Variants in GPC6 observed in about 807,000 individuals in gnomAD.
GPC6 encodes glypican-6.
GPC6 carries 14 observed loss-of-function variants against 55.2 expected under a neutral mutation model. The ratio of observed to expected loss-of-function variants is 0.25; its 90% CI spans 0.17 to 0.40. The LOEUF (loss-of-function observed/expected upper bound fraction) is 0.40, where lower values mean the gene tolerates loss of function less well. GPC6 is among the 10% of genes least tolerant of loss of function. The pLI is 1.00. For synonymous variants in GPC6, 278 were observed against 259.6 expected (o/e 1.07, Z -0.68); for missense variants, 641 against 708.5 (o/e 0.90, Z 1.08).
At chr13:93,689,051 C>A (rs1882157491) in intron 2 of GPC6, among the ~76,000 whole-genome samples, 1 of 151,962 alleles carries the variant, frequency 6.6e-6, no homozygotes, top group African/African-American at 2.4e-5. Flanking sequence ...ATACTATAAG[C>A]TGCTATTTTA....
At chr13:93,807,084 G>T (rs1007191564) in intron 2 of GPC6, among the ~76,000 whole-genome samples, 71 of 152,092 alleles carry the variant, frequency 4.7e-4, no homozygotes, top group African/African-American at 1.6e-3. Flanking sequence ...ACTTTTTTCA[G>T]CAAACTTTTG....
At chr13:93,440,149 G>T (rs908725079) in intron 1 of GPC6, among the ~76,000 whole-genome samples, 5 of 152,240 alleles carry the variant, frequency 3.3e-5, no homozygotes, top group Middle Eastern at 3.4e-3. Context: ...TGATAATCAA[G>T]GCCAAGAGTA....
intron 4 of GPC6, among the ~76,000 whole-genome samples, chr13:94,275,215 G>C (rs546979022): frequency 3.2e-4 from 48 of 152,232 alleles, no homozygotes; most frequent in African/African-American, 1.1e-3. Context: ...AAAATTCCAT[G>C]ATATTTGGAA....
intron 1 of GPC6, among the ~76,000 whole-genome samples, chr13:93,323,786 A>G (rs1215148685): frequency 6.6e-6 from 1 of 152,224 alleles, no homozygotes; most frequent in Non-Finnish European, 1.5e-5. Context: ...TGATGAGGAC[A>G]TAAAAGAGGG....
At chr13:93,375,682 A>G (rs1277437744) in intron 1 of GPC6, among the ~76,000 whole-genome samples, 1 of 152,216 alleles carries the variant, frequency 6.6e-6, no homozygotes, top group Non-Finnish European at 1.5e-5. Context: ...CAACAAGAAC[A>G]GGGACCTGAC....
intron 3 of GPC6, among the ~76,000 whole-genome samples, chr13:93,924,800 A>T (rs1296162891): frequency 6.6e-6 from 1 of 151,262 alleles, no homozygotes; most frequent in Non-Finnish European, 1.5e-5. Flanking sequence ...ACATTAGTTA[A>T]GTTATGATGT....
At chr13:93,661,380 A>G (rs557872358) in intron 2 of GPC6, among the ~76,000 whole-genome samples, 2 of 152,118 alleles carry the variant, frequency 1.3e-5, no homozygotes, top group Admixed American at 1.3e-4. Flanking sequence ...TGCCCGGCTA[A>G]TTTTTGTATT....
rs147979548 is a variant in GPC6 at position 94,399,420 on chromosome 13, G to T, written c.1465+779G>T. Among the ~76,000 whole-genome samples, 3 of 152,300 alleles carry T rather than the reference G, an allele frequency of 2.0e-5. No homozygotes were observed. The East Asian group carries it at 5.8e-4, about 29-fold the overall frequency. On this transcript the variant is annotated intron_variant, in intron 8 of 8. Transcript: ENST00000377047. ...ATGGGTTTTGTCTGAGTAGTTTCAA[G>T]ATGACTAACTACAAAAAAAGAGTTT...
At chr13:94,132,174 G>A (rs1887026219) in intron 4 of GPC6, among the ~76,000 whole-genome samples, 1 of 152,138 alleles carries the variant, frequency 6.6e-6, no homozygotes, top group South Asian at 2.1e-4. Flanking sequence ...ACTCAATGGA[G>A]CAAAGCTACC....
intron 1 of GPC6, among the ~76,000 whole-genome samples, chr13:93,414,017 A>G (rs1446328682): frequency 6.6e-6 from 1 of 152,186 alleles, no homozygotes; most frequent in African/African-American, 2.4e-5. Flanking sequence ...ACCAAAAAGA[A>G]TAAACCTCCT....
chr13:94,095,846 TCAGGGAACGTA>T (rs1287174307), intron 4 of GPC6, among the ~76,000 whole-genome samples: 2 of 152,064 alleles, frequency 1.3e-5, no homozygotes, highest in African/African-American at 2.4e-5. Flanking sequence ...GAAAAGGGGA[TCAGGGAACGTA>T]CAGATGGGGA....
chr13:93,655,435 G>A (rs1880619930), intron 2 of GPC6, among the ~76,000 whole-genome samples: 1 of 152,092 alleles, frequency 6.6e-6, no homozygotes, highest in Admixed American at 6.5e-5. Context: ...AATACCAAAT[G>A]CCAAACTGCT....
chr13:93,245,194 C>T (rs934263685), intron 1 of GPC6, among the ~76,000 whole-genome samples: 1 of 152,204 alleles, frequency 6.6e-6, no homozygotes, highest in East Asian at 1.9e-4. Flanking sequence ...AACAGTTTAA[C>T]AGCCAGTTCA....
At chr13:93,599,129 A>C (rs191644230) in intron 2 of GPC6, among the ~76,000 whole-genome samples, 1 of 152,292 alleles carries the variant, frequency 6.6e-6, no homozygotes, top group Admixed American at 6.5e-5. Flanking sequence ...CAATTATTGA[A>C]ATTATACCGA....
chr13:93,507,530 T>C (rs1286497748), intron 1 of GPC6, among the ~76,000 whole-genome samples: 1 of 152,224 alleles, frequency 6.6e-6, no homozygotes, highest in African/African-American at 2.4e-5. Flanking sequence ...TTAATTCCAA[T>C]GAGCAGCTTC....
chr13:94,344,517 T>C (rs1878190798), intron 6 of GPC6, among the ~76,000 whole-genome samples: 1 of 152,248 alleles, frequency 6.6e-6, no homozygotes, highest in African/African-American at 2.4e-5. Context: ...TCATAAATGC[T>C]TTTTTGCACA....
intron 3 of GPC6, among the ~76,000 whole-genome samples, chr13:93,950,919 G>T (rs1330909840): frequency 6.6e-6 from 1 of 151,952 alleles, no homozygotes; most frequent in Non-Finnish European, 1.5e-5. Flanking sequence ...ATTCCCTTCT[G>T]CCCTGGCAGA....
chr13:94,372,875 GC>G (rs1342688961), intron 6 of GPC6, among the ~76,000 whole-genome samples: 5 of 152,182 alleles, frequency 3.3e-5, no homozygotes, highest in Non-Finnish European at 7.3e-5. Flanking sequence ...CTGAGAATGG[GC>G]AGACTGCCTC....
At chr13:93,225,027 T>G (rs1875720907), upstream of GPC6, among the ~76,000 whole-genome samples, 1 of 152,228 alleles carries the variant, frequency 6.6e-6, no homozygotes, top group South Asian at 2.1e-4. Flanking sequence ...ACTTAACAAT[T>G]AGCTGATCTT....
Sources: gnomAD v4.1 joint callset for allele counts (sites outside exome capture counted in the v4.1 genomes callset) on GRCh38, gnomAD v4.1.1 for gene constraint, MANE v1.5 for transcripts, NCBI Gene and HGNC (gene_info 2026-07-23, HGNC 2026-07-21) for gene names.